Variants in NT5DC1 observed in about 807,000 individuals in gnomAD.
NT5DC1 encodes 5'-nucleotidase domain-containing protein 1.
In NT5DC1, 42 loss-of-function variants were observed where a neutral mutation model predicts 59.4. The ratio of observed to expected loss-of-function variants is 0.71; its 90% CI spans 0.55 to 0.92. NT5DC1 has a LOEUF of 0.92. Among genes scored for constraint, NT5DC1 ranks in the 40% least tolerant of loss-of-function variants. The pLI is 0.00. For synonymous variants in NT5DC1, 172 were observed against 188.1 expected (o/e 0.91, Z 0.70); for missense variants, 501 against 537.1 (o/e 0.93, Z 0.66).
At chr6:116,129,107 C>T (rs1779399148) in intron 6 of NT5DC1, among the ~76,000 whole-genome samples, 1 of 152,008 alleles carries the variant, frequency 6.6e-6, no homozygotes, top group Admixed American at 6.6e-5. Context: ...GTATATTTTT[C>T]CAGAAGAGAA....
intron 6 of NT5DC1, among the ~76,000 whole-genome samples, chr6:116,175,528 TTCTC>T (rs543824110): frequency 7.9e-5 from 12 of 152,330 alleles, no homozygotes; most frequent in Admixed American, 3.3e-4. Flanking sequence ...TCTCTCCTCT[TTCTC>T]TGGGACCCCA....
At chr6:116,129,542 T>G (rs889378969) in intron 6 of NT5DC1, among the ~76,000 whole-genome samples, 1 of 152,176 alleles carries the variant, frequency 6.6e-6, no homozygotes, top group African/African-American at 2.4e-5. Context: ...CCCCTTTTGC[T>G]CTCTTGCACA....
intron 6 of NT5DC1, among the ~76,000 whole-genome samples, chr6:116,173,994 T>C (rs1187486740): frequency 1.3e-5 from 2 of 152,178 alleles, no homozygotes; most frequent in African/African-American, 2.4e-5. Flanking sequence ...TCACTTGGAG[T>C]GCTAGCCACG....
At chr6:116,174,842 A>G (rs1780697226) in intron 6 of NT5DC1, among the ~76,000 whole-genome samples, 1 of 152,184 alleles carries the variant, frequency 6.6e-6, no homozygotes, top group Non-Finnish European at 1.5e-5. Flanking sequence ...TAATGGGATT[A>G]TTAATAGTTC....
At chr6:116,231,155 C>CCA (rs199826610) in intron 8 of NT5DC1, among the ~76,000 whole-genome samples, 1 of 147,324 alleles carries the variant, frequency 6.8e-6, no homozygotes, top group Non-Finnish European at 1.5e-5. Context: ...AAATCCCCCC[C>CCA]CCAAACCAAA....
At chr6:116,117,326 A>G (rs1778985199) in intron 5 of NT5DC1, among the ~76,000 whole-genome samples, 1 of 152,176 alleles carries the variant, frequency 6.6e-6, no homozygotes, top group Non-Finnish European at 1.5e-5. Flanking sequence ...TGTAGCAGTG[A>G]TTTTCATGGA....
chr6:116,106,343 C>A lies in NT5DC1; in HGVS notation c.185+8C>A. Reference sequence around the variant, plus strand: ...AGAGGATTGGGATTTCTGGTAAGTTCTTTTTTTTTTTTTTTTTTTAAGTCT... The same window carrying A: ...AGAGGATTGGGATTTCTGGTAAGTTATTTTTTTTTTTTTTTTTTTAAGTCT... On this transcript the variant is annotated splice_region_variant and intron_variant, in intron 2 of 11. Transcript: ENST00000319550. 1.4e-4 allele frequency: 111 copies of A among 779,354 alleles called. No homozygotes were observed. Among genetic ancestry groups the A allele is most frequent in the Non-Finnish European group, 2.1e-4 (101 of 486,632 alleles). 48.3% of individuals were successfully genotyped at this position (779,354 alleles called of 1,614,324 possible).
At chr6:116,167,939 T>C (rs1425548961) in intron 6 of NT5DC1, among the ~76,000 whole-genome samples, 1 of 152,220 alleles carries the variant, frequency 6.6e-6, no homozygotes, top group East Asian at 1.9e-4. Context: ...GGTTATTTTC[T>C]GCACTATAGT....
At chr6:116,184,242 T>C (rs761749083) in intron 6 of NT5DC1, among the ~76,000 whole-genome samples, 16 of 152,048 alleles carry the variant, frequency 1.1e-4, no homozygotes, top group Non-Finnish European at 2.2e-4. Flanking sequence ...GCGTCCCTCA[T>C]ATGAAACCCA....
At chr6:116,142,233 T>G (rs192200605) in intron 6 of NT5DC1, among the ~76,000 whole-genome samples, 2 of 152,224 alleles carry the variant, frequency 1.3e-5, no homozygotes, top group Admixed American at 1.3e-4. Context: ...TTTAGTAATT[T>G]AATTGTAAAA....
At chr6:116,224,232 T>C (rs1375909943) in intron 8 of NT5DC1, among the ~76,000 whole-genome samples, 2 of 152,180 alleles carry the variant, frequency 1.3e-5, no homozygotes, top group African/African-American at 4.8e-5. Context: ...GGTAATACAG[T>C]ATTATTTACT....
chr6:116,178,695 C>G (rs946833954), intron 6 of NT5DC1, among the ~76,000 whole-genome samples: 1 of 152,134 alleles, frequency 6.6e-6, no homozygotes, highest in Non-Finnish European at 1.5e-5. Flanking sequence ...TATTGTACTT[C>G]CAGAAATATA....
At chr6:116,161,238 G>A (rs1345676216) in intron 6 of NT5DC1, among the ~76,000 whole-genome samples, 9 of 150,758 alleles carry the variant, frequency 6.0e-5, no homozygotes, top group Admixed American at 6.6e-5. Context: ...TATACCTAAT[G>A]CTAGATGACG....
intron 6 of NT5DC1, among the ~76,000 whole-genome samples, chr6:116,185,422 T>A (rs1385181828): frequency 6.6e-6 from 1 of 152,152 alleles, no homozygotes; most frequent in East Asian, 1.9e-4. Context: ...CTTTGTTGTC[T>A]TTCTGTCTTG....
At chr6:116,120,465 C>A in intron 6 of NT5DC1, 1 of 1,614,240 alleles carries the variant, frequency 6.2e-7, no homozygotes, top group Non-Finnish European at 8.5e-7. Flanking sequence ...AAAGCAGACA[C>A]AGGCATTCCT....
In NT5DC1 at chr6:116,111,099, A is replaced by G. The variant is rs1334658285; in HGVS notation, c.364+143A>G. ...GCAGCTTCAGCTTTATAGCAATAGG[A>G]TGTATTTTTTCCAAGTGTATTTGAC... On this transcript the variant is annotated intron_variant, in intron 4 of 11. Coordinates refer to ENST00000319550, the MANE Select transcript of NT5DC1 (RefSeq NM_152729.3). 3.3e-5 allele frequency: 20 copies of G among 615,020 alleles called. No homozygotes were observed. In the East Asian group the frequency reaches 4.9e-4, roughly 15 times the overall value. The allele number at this position is 615,020 out of a possible 1,614,324, so 38.1% of individuals were successfully genotyped here. A position where few individuals can be genotyped will look rare whatever the true frequency, so the allele number is the denominator to read the frequency against.
intron 6 of NT5DC1, among the ~76,000 whole-genome samples, chr6:116,175,634 T>C (rs539003442): frequency 6.6e-6 from 1 of 152,316 alleles, no homozygotes; most frequent in African/African-American, 2.4e-5. Flanking sequence ...TCTTTGTGTT[T>C]CAGTTTAGGT....
chr6:116,226,645 A>C (rs776860270), intron 8 of NT5DC1, among the ~76,000 whole-genome samples: 4 of 152,062 alleles, frequency 2.6e-5, no homozygotes, highest in Non-Finnish European at 4.4e-5. Flanking sequence ...TCCAAACTAT[A>C]TATTTTTAAA....
intron 6 of NT5DC1, among the ~76,000 whole-genome samples, chr6:116,181,538 A>T (rs1307258213): frequency 6.6e-6 from 1 of 152,108 alleles, no homozygotes; most frequent in Non-Finnish European, 1.5e-5. Context: ...CCAAAGCTTC[A>T]CACTCTTGGC....
Sources: allele counts gnomAD v4.1 joint callset (sites outside exome capture counted in the v4.1 genomes callset), GRCh38; gene constraint gnomAD v4.1.1; transcripts MANE v1.5; gene names NCBI Gene and HGNC (gene_info 2026-07-23, HGNC 2026-07-21).